The following ACOT7 variants were observed in gnomAD, a reference collection of about 807,000 sequenced individuals.
ACOT7 encodes the protein acyl-CoA thioesterase 7.
A neutral mutation model predicts 40.2 loss-of-function variants in ACOT7; 12 were observed. That is an observed-to-expected ratio of 0.30 (90% CI 0.19 to 0.48). The LOEUF (loss-of-function observed/expected upper bound fraction) is 0.48. ACOT7 is among the 20% of genes least tolerant of loss of function. The probability of loss-of-function intolerance (pLI) is 0.99; values close to 1 mark genes in which losing one functional copy is unlikely to be tolerated. For missense variants in ACOT7, 395 were observed against 530.8 expected (o/e 0.74, Z 2.51); for synonymous variants, 228 against 219.5 (o/e 1.04, Z -0.34).
rs553462210 is a variant in ACOT7 at position 6,380,158 on chromosome 1, C to T, written c.143+13099G>A. On this transcript the variant is annotated intron_variant, in intron 1 of 8. Coordinates refer to ENST00000361521, the MANE Select transcript of ACOT7 (RefSeq NM_007274.4). ...AAAGAACAAAGCTGGAAGATTCACA[C>T]TTTCTGATTTCAAAACTTACCACAA... Among the ~76,000 whole-genome samples, 6 of 151,912 alleles carry T rather than the reference C, an allele frequency of 3.9e-5. No homozygotes were observed. The South Asian group carries it at 1.2e-3, about 32-fold the overall frequency.
chr1:6,312,202 G>A (rs577550037), intron 6 of ACOT7, among the ~76,000 whole-genome samples: 1 of 152,148 alleles, frequency 6.6e-6, no homozygotes, highest in African/African-American at 2.4e-5. Flanking sequence ...CAGGATGGGC[G>A]GTTAGCAGGG....
In ACOT7 at chr1:6,306,267, A is replaced by G; in HGVS notation, c.713-11287T>C. The G allele has an allele frequency of 1.0e-6, 1 of 985,166 alleles. No homozygotes were observed. 61.0% of individuals were successfully genotyped at this position (985,166 alleles called of 1,614,324 possible). ...TCTTACGGTTCATGGCAAGACCTCA[A>G]CCAAATACTCCATATTTCTGGAAAG... is the stretch of plus-strand genomic sequence containing the variant. On this transcript the variant is annotated intron_variant, in intron 6 of 8. Transcript: ENST00000361521. The surrounding 1 kb of genome is among the most constrained non-coding windows in gnomAD (Gnocchi z 4.3).
At position 6,299,698 on chromosome 1, in the gene ACOT7, C is replaced by T. The variant is rs1025675402; in HGVS notation, c.713-4718G>A. On this transcript the variant is annotated intron_variant, in intron 6 of 8. Transcript: ENST00000361521. This position sits in a 1 kb window ranked among gnomAD's most constrained non-coding sequence, Gnocchi z 4.1. ...TGTGTGTGTGTGTGTGTGTAGGGCA[C>T]GTGTGTGCGTGTGTTTAAGGGGCTT... Among the ~76,000 whole-genome samples, 1 of 150,090 alleles carries T rather than the reference C, an allele frequency of 6.7e-6. No homozygotes were observed. The highest frequency in any genetic ancestry group is 1.9e-4 in the East Asian group (1 of 5,162).
At chr1:6,371,173 ATATT>A (rs1642126807) in intron 1 of ACOT7, among the ~76,000 whole-genome samples, 1 of 152,186 alleles carries the variant, frequency 6.6e-6, no homozygotes, top group Admixed American at 6.5e-5. Flanking sequence ...AGGCTTAAAA[ATATT>A]CAGAAAACTA....
intron 6 of ACOT7, among the ~76,000 whole-genome samples, chr1:6,310,463 G>C (rs1022123840): frequency 2.6e-5 from 4 of 152,254 alleles, no homozygotes; most frequent in African/African-American, 9.6e-5. Flanking sequence ...CTGAAATCCT[G>C]TGAGGGGACC....
Position 6,351,339 on chromosome 1 carries a change from A to AT in ACOT7, c.144-1474dup, listed in dbSNP as rs1641586116. On this transcript the variant is annotated intron_variant, in intron 1 of 8. Transcript: ENST00000361521. ...CACGGCGTGACACAGTGGCCGGGGGATCCCCAGAGCACACAAGAAACCTCA... is the reference window on the plus strand; with the variant it reads ...CACGGCGTGACACAGTGGCCGGGGGATTCCCCAGAGCACACAAGAAACCTCA... Among the ~76,000 whole-genome samples, 7 of 152,358 alleles carry AT rather than the reference A, an allele frequency of 4.6e-5. No individual in the cohort carries two copies. In the South Asian group the frequency reaches 1.2e-3, roughly 27 times the overall value.
intron 2 of ACOT7, among the ~76,000 whole-genome samples, chr1:6,345,008 G>A (rs953533906): frequency 6.6e-6 from 1 of 152,132 alleles, no homozygotes; most frequent in Non-Finnish European, 1.5e-5. Context: ...TCCCAGGAGC[G>A]GGCAGGGCTC....
intron 1 of ACOT7, among the ~76,000 whole-genome samples, chr1:6,379,291 C>T (rs922218979): frequency 2.0e-5 from 3 of 151,830 alleles, no homozygotes; most frequent in Non-Finnish European, 4.4e-5. Flanking sequence ...CTTTGGCCTC[C>T]ACTTGCCAGC....
In ACOT7 at chr1:6,358,450, C is replaced by T. The variant is rs1456824997; in HGVS notation, c.144-8584G>A. ...CCACCGCAGGTAGGAAGCTCAGCAG[C>T]GCTGGGAAACCGCAGTGAACCCAGC... On this transcript the variant is annotated intron_variant, in intron 1 of 8. Transcript: ENST00000361521. The surrounding 1 kb of genome is among the most constrained non-coding windows in gnomAD (Gnocchi z 4.1). Among the ~76,000 whole-genome samples the T allele has an allele frequency of 6.6e-6, 1 of 152,196 alleles. No individual in the cohort carries two copies. Among genetic ancestry groups the T allele is most frequent in the African/African-American group, 2.4e-5 (1 of 41,448 alleles).
intron 4 of ACOT7, 72 bp from the exon 5 acceptor site, chr1:6,327,485 C>G (rs963209040): frequency 5.7e-6 from 8 of 1,412,904 alleles, no homozygotes; most frequent in Non-Finnish European, 7.9e-6. Context: ...GGCCATGATC[C>G]CAGGCCCTTA....
chr1:6,343,821 C>T (rs1641343623), intron 2 of ACOT7, among the ~76,000 whole-genome samples: 1 of 152,262 alleles, frequency 6.6e-6, no homozygotes, highest in South Asian at 2.1e-4. Flanking sequence ...CCTATGGGCG[C>T]ATGCTTTTCC....
chr1:6,303,290 G>C (rs1379777406), intron 6 of ACOT7, among the ~76,000 whole-genome samples: 1 of 151,966 alleles, frequency 6.6e-6, no homozygotes, highest in African/African-American at 2.4e-5. Flanking sequence ...TGTAGGACCC[G>C]CCGTCCTTGG....
intron 1 of ACOT7, among the ~76,000 whole-genome samples, chr1:6,388,563 AC>A (rs1642479593): frequency 7.0e-6 from 1 of 142,198 alleles, no homozygotes; most frequent in African/African-American, 2.6e-5. Flanking sequence ...ACACAGTGAA[AC>A]CCCGTCTCTA....
chr1:6,388,255 G>A (rs1453580003), intron 1 of ACOT7, among the ~76,000 whole-genome samples: 2 of 151,900 alleles, frequency 1.3e-5, no homozygotes, highest in African/African-American at 4.8e-5. Context: ...GACTACAGGC[G>A]CACACCGCCA....
chr1:6,270,018 T>C (rs1170428867), intron 8 of ACOT7, among the ~76,000 whole-genome samples: 1 of 151,656 alleles, frequency 6.6e-6, no homozygotes, highest in Non-Finnish European at 1.5e-5. Context: ...CAGGGGGAGG[T>C]GGAACAAAGG....
In ACOT7 at chr1:6,289,913, C is replaced by T. The variant is rs1218564052; in HGVS notation, c.829+4951G>A. ...CTGCTAAGACAGAATAATGTGCTCC[C>T]AAAAGATGCCCACACCCAAATCCAC... On this transcript the variant is annotated intron_variant, in intron 7 of 8. Transcript: ENST00000361521. The surrounding 1 kb of genome is among the most constrained non-coding windows in gnomAD (Gnocchi z 4.6). Among the ~76,000 whole-genome samples, 1 of 151,860 alleles carries T rather than the reference C, an allele frequency of 6.6e-6. No homozygotes were observed. Among genetic ancestry groups the T allele is most frequent in the East Asian group, 1.9e-4 (1 of 5,176 alleles).
intron 6 of ACOT7, among the ~76,000 whole-genome samples, chr1:6,308,002 C>T (rs190074539): frequency 3.5e-5 from 5 of 141,842 alleles, no homozygotes; most frequent in Admixed American, 1.4e-4. Context: ...GGAACCACAA[C>T]CAGGCAGAGG....
At chr1:6,308,296 G>A (rs1640223327) in intron 6 of ACOT7, among the ~76,000 whole-genome samples, 3 of 149,770 alleles carry the variant, frequency 2.0e-5, no homozygotes, top group South Asian at 2.1e-4. Context: ...ACAGGCAGAG[G>A]GAACAGTGAC....
intron 6 of ACOT7, among the ~76,000 whole-genome samples, chr1:6,298,230 G>A (rs1639867281): frequency 6.6e-6 from 1 of 152,134 alleles, no homozygotes; most frequent in African/African-American, 2.4e-5. Flanking sequence ...TGCCTCCCGG[G>A]TTCAAGCGAT....
Sources: allele counts gnomAD v4.1 joint callset (sites outside exome capture counted in the v4.1 genomes callset), GRCh38; gene constraint gnomAD v4.1.1; non-coding constraint Gnocchi (gnomAD v3.1); transcripts MANE v1.5; gene names NCBI Gene and HGNC (gene_info 2026-07-23, HGNC 2026-07-21).